The following MSI2 variants were observed in gnomAD, a reference collection of about 807,000 sequenced individuals.
MSI2 encodes the protein musashi RNA binding protein 2, also known as RNA-binding protein Musashi homolog 2.
A neutral mutation model predicts 45.6 loss-of-function variants in MSI2; 17 were observed. That is an observed-to-expected ratio of 0.37 (90% CI 0.26 to 0.56). MSI2 has a LOEUF of 0.56. Ranked by LOEUF, MSI2 falls within the 20% of genes least tolerant of loss-of-function variation. The probability of loss-of-function intolerance (pLI) is 0.77; values close to 1 mark genes in which losing one functional copy is unlikely to be tolerated. For missense variants in MSI2, 293 were observed against 444.2 expected (o/e 0.66, Z 3.06); for synonymous variants, 156 against 158.2 (o/e 0.99, Z 0.11).
intron 6 of MSI2, among the ~76,000 whole-genome samples, chr17:57,466,678 AT>A (rs996317209): frequency 2.8e-4 from 42 of 151,812 alleles, no homozygotes; most frequent in Admixed American, 6.6e-4. Flanking sequence ...AACTGTTTTC[AT>A]TTTTTTTCCC....
intron 8 of MSI2, among the ~76,000 whole-genome samples, chr17:57,600,145 G>C (rs1035490973): frequency 6.6e-6 from 1 of 152,220 alleles, no homozygotes; most frequent in Admixed American, 6.5e-5. Context: ...GAATTCAAAT[G>C]AGATATCTGG....
chr17:57,592,910 G>A (rs1226908601), intron 7 of MSI2, among the ~76,000 whole-genome samples: 2 of 152,186 alleles, frequency 1.3e-5, no homozygotes, highest in Non-Finnish European at 2.9e-5. Context: ...AGTGGACCAG[G>A]AAGGAGTTGG....
chr17:57,307,451 GTC>G (rs1912015329), intron 5 of MSI2, among the ~76,000 whole-genome samples: 1 of 144,052 alleles, frequency 6.9e-6, no homozygotes, highest in South Asian at 2.2e-4. Context: ...TTGAGATGGA[GTC>G]TCTCTCTGTT....
chr17:57,524,425 G>A (rs1049555830), intron 6 of MSI2, among the ~76,000 whole-genome samples: 2 of 152,186 alleles, frequency 1.3e-5, no homozygotes, highest in African/African-American at 4.8e-5. Flanking sequence ...TGCAAATAGC[G>A]AATGCCTCAT....
intron 5 of MSI2, among the ~76,000 whole-genome samples, chr17:57,376,579 G>A (rs1473012067): frequency 1.3e-5 from 2 of 152,162 alleles, no homozygotes; most frequent in Admixed American, 6.5e-5. Flanking sequence ...TGGAGATCTG[G>A]GTTTTCGGTT....
At chr17:57,281,122 G>C (rs1461762199) in intron 5 of MSI2, among the ~76,000 whole-genome samples, 2 of 152,086 alleles carry the variant, frequency 1.3e-5, no homozygotes, top group East Asian at 3.9e-4. Context: ...CCAGGTGTGT[G>C]AGGGCTTATT....
At chr17:57,693,285 C>T in the MSI2 span, among the ~76,000 whole-genome samples, 1 of 152,132 alleles carries the variant, frequency 6.6e-6, no homozygotes, top group South Asian at 2.1e-4. Context: ...TGGGTTCAAG[C>T]AATCATCCCA....
chr17:57,674,074 T>TTTAC (rs1352621257), intron 11 of MSI2, among the ~76,000 whole-genome samples: 1 of 151,168 alleles, frequency 6.6e-6, no homozygotes, highest in Non-Finnish European at 1.5e-5. Context: ...AGCCTCCAGG[T>TTTAC]TTACCATTCC....
At chr17:57,551,088 G>T (rs1370692964) in intron 7 of MSI2, among the ~76,000 whole-genome samples, 1 of 152,152 alleles carries the variant, frequency 6.6e-6, no homozygotes, top group African/African-American at 2.4e-5. Flanking sequence ...GAAAGGAGTT[G>T]TGTTGGTTTA....
chr17:57,434,242 G>T (rs908394153), intron 6 of MSI2, among the ~76,000 whole-genome samples: 1 of 152,124 alleles, frequency 6.6e-6, no homozygotes. Context: ...TGGCACTACA[G>T]GCACCTGCCA....
intron 5 of MSI2, among the ~76,000 whole-genome samples, chr17:57,272,730 G>C (rs1908487376): frequency 6.6e-6 from 1 of 152,186 alleles, no homozygotes. Flanking sequence ...TTGCGAACTA[G>C]TTTCAGAAAG....
chr17:57,693,654 A>G, the MSI2 span, among the ~76,000 whole-genome samples: 1 of 152,202 alleles, frequency 6.6e-6, no homozygotes. Context: ...TAGTAAGCAT[A>G]GTTACTTTAA....
rs540984548 is a variant in MSI2 at position 57,403,556 on chromosome 17, T to A, written c.405+2085T>A. Among the ~76,000 whole-genome samples the A allele has an allele frequency of 2.6e-5, 4 of 152,336 alleles. No individual in the cohort carries two copies. The South Asian group carries it at 8.3e-4, about 32-fold the overall frequency. On this transcript the variant is annotated intron_variant, in intron 6 of 13. Coordinates refer to ENST00000284073, the MANE Select transcript of MSI2 (RefSeq NM_138962.4). ...GCAGGATGTGCAGACTTATCAAGTGTTTTATTAAAAGACCAAAGAGGCTTT... is the reference window on the plus strand; with the variant it reads ...GCAGGATGTGCAGACTTATCAAGTGATTTATTAAAAGACCAAAGAGGCTTT...
intron 6 of MSI2, among the ~76,000 whole-genome samples, chr17:57,489,954 G>A (rs955585429): frequency 1.3e-5 from 2 of 152,198 alleles, no homozygotes; most frequent in African/African-American, 4.8e-5. Context: ...ACGAGAGGGT[G>A]ATTGGAAAGT....
chr17:57,563,487 A>G (rs1250057416), intron 7 of MSI2, among the ~76,000 whole-genome samples: 1 of 152,172 alleles, frequency 6.6e-6, no homozygotes, highest in African/African-American at 2.4e-5. Context: ...CCAAGATCCC[A>G]GGCAAGCTAG....
intron 7 of MSI2, among the ~76,000 whole-genome samples, chr17:57,539,400 A>C: frequency 6.6e-6 from 1 of 151,808 alleles, no homozygotes. Flanking sequence ...TGAAAGAAAG[A>C]AAATTTACCA....
chr17:57,589,266 A>T (rs919538543), intron 7 of MSI2, among the ~76,000 whole-genome samples: 1 of 152,226 alleles, frequency 6.6e-6, no homozygotes, highest in Non-Finnish European at 1.5e-5. Context: ...TGATTTCCCA[A>T]CATGGCAGCC....
intron 5 of MSI2, among the ~76,000 whole-genome samples, chr17:57,317,820 T>C (rs1466292574): frequency 2.0e-5 from 3 of 152,128 alleles, no homozygotes. Context: ...CCTCAGAATG[T>C]GCCTCTTGGG....
Position 57,362,910 on chromosome 17 carries a change from A to G in MSI2, c.313-38469A>G, listed in dbSNP as rs1042532536. On this transcript the variant is annotated intron_variant, in intron 5 of 13. Coordinates refer to ENST00000284073, the MANE Select transcript of MSI2 (RefSeq NM_138962.4). ...CTGTTGGAACCCTTACGTGTTGCTG[A>G]TGGAAATATAAAATGGTGTAGCCAC... is the stretch of plus-strand genomic sequence containing the variant. Among the ~76,000 whole-genome samples, 3 of 152,216 alleles carry G rather than the reference A, an allele frequency of 2.0e-5. No homozygotes were observed. The South Asian group carries it at 6.2e-4, about 32-fold the overall frequency.
Sources: allele counts gnomAD v4.1 joint callset (sites outside exome capture counted in the v4.1 genomes callset), GRCh38; gene constraint gnomAD v4.1.1; transcripts MANE v1.5; gene names NCBI Gene and HGNC (gene_info 2026-07-23, HGNC 2026-07-21).